Variants in FAM131A observed in about 807,000 individuals in gnomAD.
FAM131A encodes protein FAM131A.
A neutral mutation model predicts 39.2 loss-of-function variants in FAM131A; 24 were observed. The observed-to-expected ratio is 0.61, with a 90% CI of 0.44 to 0.86. The LOEUF is 0.86. Ranked by LOEUF, FAM131A falls within the 40% of genes least tolerant of loss-of-function variation. FAM131A has a pLI of 0.00. For missense variants in FAM131A, 373 were observed against 481.2 expected (o/e 0.78, Z 2.10); for synonymous variants, 202 against 206.8 (o/e 0.98, Z 0.20).
At position 184,345,284 on chromosome 3, in the gene FAM131A, T is replaced by G; in HGVS notation, c.*314T>G. The G allele has an allele frequency of 1.8e-6, 1 of 569,428 alleles. No homozygotes were observed. Among genetic ancestry groups the G allele is most frequent in the Non-Finnish European group, 3.1e-6 (1 of 325,400 alleles). The allele number at this position is 569,428 out of a possible 1,614,324, so 35.3% of individuals were successfully genotyped here. A position where few individuals can be genotyped will look rare whatever the true frequency, so the allele number is the denominator to read the frequency against. ...GCCACACACACATTTCCTCCTCGGA[T>G]AATGTGAACCACTAAGGGGGTTGTG... On this transcript the variant is annotated 3_prime_UTR_variant, in exon 6 of 6. Coordinates refer to ENST00000383847, the MANE Select transcript of FAM131A (RefSeq NM_144635.5).
rs1209335357 is a variant in FAM131A at position 184,341,710 on chromosome 3, T to C, written c.232-14T>C. The C allele has an allele frequency of 6.2e-6, 10 of 1,602,724 alleles. No individual in the cohort carries two copies. The highest frequency in any genetic ancestry group is 8.5e-6 in the Non-Finnish European group (10 of 1,179,256). ...TGTCAGAGGGGCACTGACTTTCTAATGGTGTTACCCAAGGTGAATGTTGGA... is the reference window on the plus strand; with the variant it reads ...TGTCAGAGGGGCACTGACTTTCTAACGGTGTTACCCAAGGTGAATGTTGGA... On this transcript the variant is annotated splice_polypyrimidine_tract_variant and intron_variant, in intron 2 of 5. Coordinates refer to ENST00000383847, the MANE Select transcript of FAM131A (RefSeq NM_144635.5).
chr3:184,340,758 CAA>C (rs1560241921), intron 2 of FAM131A: 1 of 152,222 alleles, frequency 6.6e-6, no homozygotes, highest in Non-Finnish European at 1.5e-5. Flanking sequence ...ACAGGAAATG[CAA>C]AAGAGACCAT....
chr3:184,341,947 C>A, intron 3 of FAM131A, 119 bp from the exon 4 acceptor site: 2 of 1,494,730 alleles, frequency 1.3e-6, no homozygotes, highest in Non-Finnish European at 1.9e-6. Flanking sequence ...TGAATCTCAG[C>A]CCCTTCTCCC....
chr3:184,341,850 T>G, intron 3 of FAM131A, 33 bp downstream of exon 3: 6 of 1,609,906 alleles, frequency 3.7e-6, no homozygotes, highest in Non-Finnish European at 5.1e-6. Flanking sequence ...CTGGCCACTT[T>G]GTCCTTTCTC....
At chr3:184,344,348 C>A in intron 5 of FAM131A, 147 bp from the exon 6 acceptor site, 1 of 665,818 alleles carries the variant, frequency 1.5e-6, no homozygotes, top group South Asian at 2.1e-5. Flanking sequence ...ACACTGAGGT[C>A]TCAAAAAGTT....
chr3:184,341,720 C>G lies in FAM131A; in HGVS notation c.232-4C>G, dbSNP rs1336427348. The G allele has an allele frequency of 1.2e-6, 2 of 1,605,144 alleles. No homozygotes were observed. The highest frequency in any genetic ancestry group is 2.2e-5 in the East Asian group (1 of 44,882). On this transcript the variant is annotated splice_region_variant and splice_polypyrimidine_tract_variant and intron_variant, in intron 2 of 5. Transcript: ENST00000383847. ...GCACTGACTTTCTAATGGTGTTACC[C>G]AAGGTGAATGTTGGAGACACAGTCG...
Position 184,342,311 on chromosome 3 carries a change from A to G in FAM131A, c.508+63A>G. 1 of 1,491,188 alleles carries G rather than the reference A, an allele frequency of 6.7e-7. No individual in the cohort carries two copies. The highest frequency in any genetic ancestry group is 8.9e-7 in the Non-Finnish European group (1 of 1,125,840). 92.4% of individuals were successfully genotyped at this position (1,491,188 alleles called of 1,614,324 possible). A position where few individuals can be genotyped will look rare whatever the true frequency, so the allele number is the denominator to read the frequency against. On this transcript the variant is annotated intron_variant, in intron 4 of 5. Transcript: ENST00000383847. This position sits in a 1 kb window ranked among gnomAD's most constrained non-coding sequence, Gnocchi z 4.6. ...CAGGGCTGCTTTCTTTCTTTATTTT[A>G]TTTAATTTTTTTTTGAGACGGAGTC...
rs1560242376 is a variant in FAM131A at position 184,341,726 on chromosome 3, G to A, written c.234G>A (p.Val78=). 1.2e-6 allele frequency: 2 copies of A among 1,606,680 alleles called. No homozygotes were observed. Among genetic ancestry groups the A allele is most frequent in the African/African-American group, 1.3e-5 (1 of 75,018 alleles). ...SSVDSQDLPE[V]NVGDTVAMLP... is the part of the protein sequence containing the mutation. ...ACTTTCTAATGGTGTTACCCAAGGT[G>A]AATGTTGGAGACACAGTCGCGATGC... The change falls in exon 3 of 6, where the codon GTG becomes GTA. Residue 78 remains valine, a splice_region_variant and synonymous_variant. Coordinates refer to ENST00000383847, the MANE Select transcript of FAM131A (RefSeq NM_144635.5).
Position 184,344,533 on chromosome 3 carries a change from G to A in FAM131A, c.664G>A (p.Asp222Asn). The change falls in exon 6 of 6, where the codon GAC becomes AAC. Residue 222 changes from aspartate (D) to asparagine (N), a missense_variant. Around this residue, in one of 2 missense-constraint regions of FAM131A, gnomAD observed 221 missense variants for 347.7 expected, o/e 0.64. Transcript: ENST00000383847. ...GCTGCCCCTGGGGCCGCACCTCCAG[G>A]ACCTGTTCACCGGCCACCGGTTCTC... is the stretch of plus-strand genomic sequence containing the variant. ...GQLPLGPHLQDLFTGHRFSRP... is the reference protein window; with the variant it reads ...GQLPLGPHLQNLFTGHRFSRP... The A allele has an allele frequency of 6.4e-7, 1 of 1,571,780 alleles. No homozygotes were observed. The highest frequency in any genetic ancestry group is 8.6e-7 in the Non-Finnish European group (1 of 1,157,256).
intron 5 of FAM131A, 23 bp from the exon 6 acceptor site, chr3:184,344,472 C>G: frequency 6.6e-7 from 1 of 1,513,298 alleles, no homozygotes; most frequent in South Asian, 1.3e-5. Context: ...GCAGGACTGT[C>G]TTCTTTTCTC....
At position 184,345,493 on chromosome 3, in the gene FAM131A, C is replaced by G. The variant is rs202108821; in HGVS notation, c.*523C>G. 1 of 702,728 alleles carries G rather than the reference C, an allele frequency of 1.4e-6. No homozygotes were observed. Among genetic ancestry groups the G allele is most frequent in the Middle Eastern group, 2.3e-4 (1 of 4,390 alleles). The allele number at this position is 702,728 out of a possible 1,614,324, so 43.5% of individuals were successfully genotyped here. On this transcript the variant is annotated 3_prime_UTR_variant, in exon 6 of 6. Transcript: ENST00000383847. ...TATGGGTTGAGCCGTCCCTCAAGGG[C>G]CCCTGCCCAGCTGGGCTCGTGCTGT...
At chr3:184,340,901 G>A (rs557878526) in intron 2 of FAM131A, 4 of 152,488 alleles carry the variant, frequency 2.6e-5, no homozygotes, top group Admixed American at 1.3e-4. Flanking sequence ...TGGTATTTCA[G>A]CCCAAACTGG....
upstream of FAM131A, chr3:184,337,590 G>T (rs923216890): frequency 1.3e-6 from 2 of 1,525,870 alleles, no homozygotes; most frequent in Non-Finnish European, 8.8e-7. Context: ...TGAGCCTGGA[G>T]CGGTTCTGGG....
chr3:184,344,678 G>T lies in FAM131A; in HGVS notation c.809G>T (p.Arg270Leu), dbSNP rs750729922. 6.2e-7 allele frequency: 1 copy of T among 1,612,494 alleles called. No individual in the cohort carries two copies. The highest frequency in any genetic ancestry group is 1.1e-5 in the South Asian group (1 of 91,016). ...GATGGGTTGTTGGGCTCCCCGGCCCGGCTGGCCTCCCAGCTGCTGGGCGAT... is the reference window on the plus strand; with the variant it reads ...GATGGGTTGTTGGGCTCCCCGGCCCTGCTGGCCTCCCAGCTGCTGGGCGAT... ...LEDGLLGSPA[R>L]LASQLLGDEL... The change falls in exon 6 of 6, where the codon CGG becomes CTG. Residue 270 changes from arginine to leucine, a missense_variant. By Grantham distance (102) the Arg-to-Leu change is moderately radical. This residue lies in a region of FAM131A where 152 missense variants were observed against 133.5 expected (regional missense o/e 1.14). Transcript: ENST00000383847.
At chr3:184,337,458 G>C (rs1727170838), upstream of FAM131A, 2 of 626,544 alleles carry the variant, frequency 3.2e-6, no homozygotes, top group African/African-American at 3.7e-5. Context: ...CTGAGCCCTG[G>C]TGTTCCCACC....
chr3:184,343,272 C>T (rs1035732354), intron 5 of FAM131A: 8 of 157,796 alleles, frequency 5.1e-5, no homozygotes, highest in Non-Finnish European at 9.8e-5. Context: ...CAGTGCACAG[C>T]CCAGCACCTC....
Position 184,342,310 on chromosome 3 carries a change from T to A in FAM131A, c.508+62T>A, listed in dbSNP as rs1727421182. 6.0e-6 allele frequency: 9 copies of A among 1,493,394 alleles called. No individual in the cohort carries two copies. Among genetic ancestry groups the A allele is most frequent in the South Asian group, 1.4e-5 (1 of 71,950 alleles). 92.5% of individuals were successfully genotyped at this position (1,493,394 alleles called of 1,614,324 possible). ...ACAGGGCTGCTTTCTTTCTTTATTT[T>A]ATTTAATTTTTTTTTGAGACGGAGT... On this transcript the variant is annotated intron_variant, in intron 4 of 5. Transcript: ENST00000383847. The surrounding 1 kb of genome is among the most constrained non-coding windows in gnomAD (Gnocchi z 4.6).
intron 1 of FAM131A, among the ~76,000 whole-genome samples, 189 bp downstream of exon 1, chr3:184,337,907 TATC>T (rs1280753056): frequency 6.6e-6 from 1 of 151,562 alleles, no homozygotes; most frequent in Non-Finnish European, 1.5e-5. Context: ...TCAGAAAAAA[TATC>T]ATGAGTTCGT....
chr3:184,337,754 GA>G, intron 1 of FAM131A, 36 bp downstream of exon 1: 1 of 1,528,986 alleles, frequency 6.5e-7, no homozygotes, highest in African/African-American at 1.4e-5. Context: ...TCTGGGAGAT[GA>G]TGGGAAGCTG....
Sources: gnomAD v4.1 joint callset for allele counts (sites outside exome capture counted in the v4.1 genomes callset) on GRCh38, gnomAD v4.1.1 for gene constraint, gnomAD v4.1.1 regional missense constraint, Gnocchi (gnomAD v3.1) non-coding constraint, MANE v1.5 for transcripts, NCBI Gene and HGNC (gene_info 2026-07-23, HGNC 2026-07-21) for gene names.